GABRB1: variants seen among roughly 807,000 people sequenced by gnomAD.
GABRB1 encodes gamma-aminobutyric acid type A receptor subunit beta1, also known as gamma-aminobutyric acid receptor subunit beta-1.
Under a neutral mutation model 51.6 loss-of-function variants are expected in GABRB1, and 17 were observed. That is an observed-to-expected ratio of 0.33 (90% CI 0.23 to 0.49). The LOEUF (loss-of-function observed/expected upper bound fraction) is 0.49, where lower values mean the gene tolerates loss of function less well. Ranked by LOEUF, GABRB1 falls within the 20% of genes least tolerant of loss-of-function variation. The probability of loss-of-function intolerance (pLI) is 0.99; values close to 1 mark genes in which losing one functional copy is unlikely to be tolerated. For missense variants in GABRB1, 410 were observed against 600.6 expected (o/e 0.68, Z 3.32); for synonymous variants, 247 against 218.9 (o/e 1.13, Z -1.14).
Position 47,426,161 on chromosome 4 carries a change from T to C in GABRB1, c.*143T>C, listed in dbSNP as rs1189863306. On this transcript the variant is annotated 3_prime_UTR_variant, in exon 9 of 9. Transcript: ENST00000295454. ...TTTTAGGTCTTGCATATCAGTTTTA[T>C]TACTGCACCATGTTTACTTCAAAAA... 1 of 609,982 alleles carries C rather than the reference T, an allele frequency of 1.6e-6. No individual in the cohort carries two copies. Among genetic ancestry groups the C allele is most frequent in the African/African-American group, 1.9e-5 (1 of 53,162 alleles). The allele number at this position is 609,982 out of a possible 1,614,324, so 37.8% of individuals were successfully genotyped here.
chr4:47,285,984 C>G (rs115098140), intron 4 of GABRB1, among the ~76,000 whole-genome samples: 3,829 of 152,184 alleles, frequency 0.025, 70 homozygotes, highest in Non-Finnish European at 0.039. Context: ...TAAATATGTG[C>G]CTGAGCTAAA....
At chr4:47,039,297 T>C (rs992432082) in intron 3 of GABRB1, among the ~76,000 whole-genome samples, 1 of 150,444 alleles carries the variant, frequency 6.6e-6, no homozygotes, top group Non-Finnish European at 1.5e-5. Flanking sequence ...CATTGTGAAT[T>C]TGAGAATAAA....
At chr4:47,204,780 G>T (rs980532913) in intron 4 of GABRB1, among the ~76,000 whole-genome samples, 11 of 152,118 alleles carry the variant, frequency 7.2e-5, no homozygotes, top group African/African-American at 2.7e-4. Context: ...TGCCATGATT[G>T]TGAGGCTTCC....
At chr4:47,245,500 G>T (rs776975363) in intron 4 of GABRB1, among the ~76,000 whole-genome samples, 3 of 152,066 alleles carry the variant, frequency 2.0e-5, no homozygotes, top group Admixed American at 6.6e-5. Flanking sequence ...GTAAGGGATT[G>T]GGGAGAAGAA....
chr4:47,347,599 C>A (rs1157884904), intron 5 of GABRB1, among the ~76,000 whole-genome samples: 3 of 151,498 alleles, frequency 2.0e-5, no homozygotes, highest in Non-Finnish European at 4.4e-5. Context: ...TGCTGATGAA[C>A]AAAGTGTTAA....
chr4:47,252,074 G>A (rs1005223825), intron 4 of GABRB1, among the ~76,000 whole-genome samples: 1 of 81,174 alleles, frequency 1.2e-5, no homozygotes, highest in Non-Finnish European at 2.5e-5. Context: ...TGGTGTTCCC[G>A]CCACCGCCCC....
intron 5 of GABRB1, among the ~76,000 whole-genome samples, chr4:47,330,731 G>A (rs12500794): frequency 0.62 from 93,541 of 151,956 alleles, 28,902 homozygotes; most frequent in East Asian, 0.7. Flanking sequence ...ATTAAATTTA[G>A]TTACATCACT....
intron 3 of GABRB1, among the ~76,000 whole-genome samples, chr4:47,063,337 A>G (rs191662888): frequency 4.4e-3 from 665 of 152,308 alleles, no homozygotes; most frequent in Non-Finnish European, 7.1e-3. Flanking sequence ...AGATAAAAAA[A>G]CACAGCAAAT....
chr4:47,109,636 C>CAA (rs1398738915), intron 3 of GABRB1, among the ~76,000 whole-genome samples: 1 of 151,956 alleles, frequency 6.6e-6, no homozygotes, highest in East Asian at 1.9e-4. Flanking sequence ...AGGTTTTGGA[C>CAA]ATTTTGAATT....
chr4:47,308,676 A>T (rs1724555516), intron 4 of GABRB1, among the ~76,000 whole-genome samples: 1 of 152,122 alleles, frequency 6.6e-6, no homozygotes, highest in Non-Finnish European at 1.5e-5. Flanking sequence ...AATAAACCAA[A>T]AAGGTAGTAA....
chr4:47,017,914 T>C (rs566346529), intron 1 of GABRB1, among the ~76,000 whole-genome samples: 14 of 152,338 alleles, frequency 9.2e-5, no homozygotes, highest in Middle Eastern at 3.4e-3. Flanking sequence ...GATTTTCAGA[T>C]TTGAATTATT....
At chr4:47,398,591 C>T (rs1728264104) in intron 5 of GABRB1, among the ~76,000 whole-genome samples, 1 of 151,928 alleles carries the variant, frequency 6.6e-6, no homozygotes, top group South Asian at 2.1e-4. Flanking sequence ...GAGAGAGAGA[C>T]AGAGACAGAG....
intron 3 of GABRB1, among the ~76,000 whole-genome samples, chr4:47,067,088 A>G (rs1361935877): frequency 3.3e-5 from 5 of 152,228 alleles, no homozygotes; most frequent in African/African-American, 1.2e-4. Flanking sequence ...CTCTTGGGTG[A>G]CCAGGTACAT....
intron 4 of GABRB1, among the ~76,000 whole-genome samples, chr4:47,310,871 A>T (rs1173247219): frequency 6.6e-6 from 1 of 152,026 alleles, no homozygotes; most frequent in Non-Finnish European, 1.5e-5. Context: ...TGTAACTAAG[A>T]TAAGGTCTGT....
At chr4:47,381,561 A>C (rs1727599566) in intron 5 of GABRB1, among the ~76,000 whole-genome samples, 1 of 152,210 alleles carries the variant, frequency 6.6e-6, no homozygotes, top group Non-Finnish European at 1.5e-5. Flanking sequence ...GGCTTAACAG[A>C]GCATCCTGTC....
chr4:47,302,401 ATAT>A (rs1412828450), intron 4 of GABRB1, among the ~76,000 whole-genome samples: 5 of 152,038 alleles, frequency 3.3e-5, no homozygotes, highest in Non-Finnish European at 7.4e-5. Flanking sequence ...TTCATAAGTG[ATAT>A]TATAAGTTCG....
At chr4:47,194,409 C>T (rs1053346188) in intron 4 of GABRB1, among the ~76,000 whole-genome samples, 3 of 152,168 alleles carry the variant, frequency 2.0e-5, no homozygotes, top group Middle Eastern at 3.2e-3. Context: ...CCTTTCCCAA[C>T]TGCCATTTCT....
At chr4:47,071,790 A>G (rs1727347492) in intron 3 of GABRB1, among the ~76,000 whole-genome samples, 1 of 152,096 alleles carries the variant, frequency 6.6e-6, no homozygotes. Flanking sequence ...GTATCTGTTA[A>G]ATGAACTCTT....
intron 5 of GABRB1, among the ~76,000 whole-genome samples, chr4:47,371,784 T>C (rs1393173533): frequency 6.6e-6 from 1 of 152,184 alleles, no homozygotes; most frequent in Non-Finnish European, 1.5e-5. Flanking sequence ...TTAATGGAGT[T>C]GTTTGGTTTT....
Sources: gnomAD v4.1 joint callset for allele counts (sites outside exome capture counted in the v4.1 genomes callset) on GRCh38, gnomAD v4.1.1 for gene constraint, MANE v1.5 for transcripts, NCBI Gene and HGNC (gene_info 2026-07-23, HGNC 2026-07-21) for gene names.